PLEKHH2: variants seen among roughly 807,000 people sequenced by gnomAD.
PLEKHH2 encodes pleckstrin homology, MyTH4 and FERM domain containing H2, also known as pleckstrin homology domain-containing family H member 2.
In PLEKHH2, 129 loss-of-function variants were observed where a neutral mutation model predicts 187.9. The observed-to-expected ratio is 0.69, with a 90% CI of 0.59 to 0.79. The LOEUF is 0.79. Ranked by LOEUF, PLEKHH2 falls within the 30% of genes least tolerant of loss-of-function variation. The probability of loss-of-function intolerance (pLI) is 0.00; values close to 1 mark genes in which losing one functional copy is unlikely to be tolerated. For synonymous variants in PLEKHH2, 686 were observed against 605.6 expected (o/e 1.13, Z -1.95); for missense variants, 2,076 against 1,751.2 (o/e 1.19, Z -3.31).
Position 43,700,383 on chromosome 2 carries a change from TATAAGCATG to T in PLEKHH2, c.1429_1437del (p.Ser477_Ile479del), listed in dbSNP as rs758066883. 1 of 1,614,118 alleles carries T rather than the reference TATAAGCATG, an allele frequency of 6.2e-7. No individual in the cohort carries two copies. The highest frequency in any genetic ancestry group is 8.5e-7 in the Non-Finnish European group (1 of 1,180,022). ...GGATGTTTGGTACAAATAGAAACGC[TATAAGCATG>T]ATACGACCACTGAGACCTCAGGAAA... On this transcript the variant is annotated inframe_deletion, in exon 8 of 30. Transcript: ENST00000282406.
At chr2:43,749,018 A>C (rs1306608639) in intron 24 of PLEKHH2, among the ~76,000 whole-genome samples, 2 of 152,150 alleles carry the variant, frequency 1.3e-5, no homozygotes, top group Admixed American at 6.6e-5. Flanking sequence ...CGGCCTCCCA[A>C]AGTGCTGGGA....
chr2:43,647,254 T>G (rs1031758407), intron 2 of PLEKHH2, among the ~76,000 whole-genome samples: 2 of 152,240 alleles, frequency 1.3e-5, no homozygotes, highest in African/African-American at 2.4e-5. Context: ...TATAAACTTT[T>G]AAATCCTTAT....
chr2:43,742,932 T>A lies in PLEKHH2; in HGVS notation c.3399+14T>A. On this transcript the variant is annotated intron_variant, in intron 22 of 29. Coordinates refer to ENST00000282406, the MANE Select transcript of PLEKHH2 (RefSeq NM_172069.4). ...GGGATATACCAGGTAGGTTACCTGA[T>A]GAAAATATGCTTAGCCAACAATCCT... is the stretch of plus-strand genomic sequence containing the variant. The A allele has an allele frequency of 1.4e-6, 2 of 1,480,578 alleles. No homozygotes were observed. Among genetic ancestry groups the A allele is most frequent in the Non-Finnish European group, 1.8e-6 (2 of 1,111,832 alleles). The allele number at this position is 1,480,578 out of a possible 1,614,324, so 91.7% of individuals were successfully genotyped here.
chr2:43,668,489 A>C (rs994626695), intron 2 of PLEKHH2, among the ~76,000 whole-genome samples: 2 of 152,196 alleles, frequency 1.3e-5, no homozygotes, highest in African/African-American at 4.8e-5. Context: ...TCAGTAAATA[A>C]ATACTGATGA....
chr2:43,657,164 T>A (rs562315796), intron 2 of PLEKHH2, among the ~76,000 whole-genome samples: 1 of 152,362 alleles, frequency 6.6e-6, no homozygotes, highest in East Asian at 1.9e-4. Flanking sequence ...TGCATTCAGT[T>A]GGCAAATCAG....
intron 20 of PLEKHH2, 69 bp downstream of exon 20, chr2:43,738,589 C>G: frequency 7.2e-7 from 1 of 1,385,748 alleles, no homozygotes; most frequent in Admixed American, 2.1e-5. Flanking sequence ...AAGAATGATA[C>G]ACATTCAGCA....
At chr2:43,659,903 T>C (rs1010904323) in intron 2 of PLEKHH2, among the ~76,000 whole-genome samples, 10 of 152,290 alleles carry the variant, frequency 6.6e-5, no homozygotes, top group African/African-American at 2.4e-4. Flanking sequence ...GTTAATTGAG[T>C]ACATATGTAA....
At position 43,753,605 on chromosome 2, in the gene PLEKHH2, C is replaced by T. The variant is rs1269713870; in HGVS notation, c.3654-14C>T. The T allele has an allele frequency of 7.3e-7, 1 of 1,363,654 alleles. No homozygotes were observed. The highest frequency in any genetic ancestry group is 9.7e-7 in the Non-Finnish European group (1 of 1,029,168). The allele number at this position is 1,363,654 out of a possible 1,614,324, so 84.5% of individuals were successfully genotyped here. On this transcript the variant is annotated splice_polypyrimidine_tract_variant and intron_variant, in intron 24 of 29. Transcript: ENST00000282406. ...AATATAATTTAATGAGAAATTTACT[C>T]TTTTTTTTTACAGACTATATTTCTC...
At chr2:43,703,229 CA>C (rs1669476925) in intron 8 of PLEKHH2, among the ~76,000 whole-genome samples, 1 of 152,188 alleles carries the variant, frequency 6.6e-6, no homozygotes, top group South Asian at 2.1e-4. Context: ...AAATTCAGGA[CA>C]TGTTGCTCTA....
chr2:43,678,083 G>A (rs1384058365), intron 2 of PLEKHH2, among the ~76,000 whole-genome samples: 14 of 151,454 alleles, frequency 9.2e-5, no homozygotes, highest in African/African-American at 2.4e-4. Context: ...GGTCGCGGCC[G>A]GGCAGAGGCG....
intron 2 of PLEKHH2, among the ~76,000 whole-genome samples, chr2:43,651,535 C>G (rs1238995134): frequency 1.3e-5 from 2 of 152,138 alleles, no homozygotes; most frequent in African/African-American, 4.8e-5. Context: ...GGACAGAAAT[C>G]AAGACAAATG....
intron 25 of PLEKHH2, among the ~76,000 whole-genome samples, chr2:43,755,178 C>G (rs1384765443): frequency 6.6e-6 from 1 of 152,022 alleles, no homozygotes; most frequent in Non-Finnish European, 1.5e-5. Flanking sequence ...CAGCCAAAAT[C>G]AGCATATTGA....
chr2:43,711,613 C>T (rs1286543151), intron 14 of PLEKHH2: 31 of 969,630 alleles, frequency 3.2e-5, no homozygotes, highest in African/African-American at 5.3e-5. Flanking sequence ...GGAACCTGGC[C>T]GGGCGCGGTG....
Position 43,729,634 on chromosome 2 carries a change from A to G in PLEKHH2, c.2722-3A>G, listed in dbSNP as rs762936575. On this transcript the variant is annotated splice_region_variant and splice_polypyrimidine_tract_variant and intron_variant, in intron 17 of 29. Coordinates refer to ENST00000282406, the MANE Select transcript of PLEKHH2 (RefSeq NM_172069.4). ...CATTTAATTAATATGTTCTGGTTTT[A>G]AGGACACTTGGCTTTATCATCTGAC... 3.8e-6 allele frequency: 6 copies of G among 1,573,844 alleles called. No individual in the cohort carries two copies. The highest frequency in any genetic ancestry group is 5.2e-6 in the Non-Finnish European group (6 of 1,162,330).
intron 24 of PLEKHH2, 41 bp downstream of exon 24, chr2:43,746,004 A>G (rs748555370): frequency 7.8e-7 from 1 of 1,286,112 alleles, no homozygotes. Flanking sequence ...ATGAGTATAC[A>G]ATATGTTCTA....
intron 6 of PLEKHH2, among the ~76,000 whole-genome samples, chr2:43,695,573 A>G (rs976672290): frequency 6.6e-6 from 1 of 152,214 alleles, no homozygotes; most frequent in African/African-American, 2.4e-5. Flanking sequence ...TGCTAAAAGT[A>G]CTGTACAGAG....
intron 1 of PLEKHH2, among the ~76,000 whole-genome samples, chr2:43,640,252 A>G (rs1703311063): frequency 1.3e-5 from 2 of 151,152 alleles, no homozygotes; most frequent in African/African-American, 4.9e-5. Context: ...CTTGTCACCC[A>G]GGCTGGAGTG....
At position 43,705,406 on chromosome 2, in the gene PLEKHH2, C is replaced by A. The variant is rs115221821; in HGVS notation, c.1727-916C>A. ...GATTAGTTAGGATGACAGGTGCATA[C>A]CACCATGCCTTGATACTTTTTAAGA... On this transcript the variant is annotated intron_variant, in intron 9 of 29. Transcript: ENST00000282406. Among the ~76,000 whole-genome samples the A allele has an allele frequency of 5.7e-3, 871 of 151,946 alleles. 7 individuals are homozygous for A. The highest frequency in any genetic ancestry group is 0.02 in the African/African-American group (828 of 41,428).
intron 28 of PLEKHH2, 93 bp from the exon 29 acceptor site, chr2:43,764,135 T>G: frequency 1.4e-6 from 1 of 724,606 alleles, no homozygotes; most frequent in Non-Finnish European, 2.0e-6. Context: ...TTGATTAATA[T>G]CTGCCTTTTA....
Sources: gnomAD v4.1 joint callset for allele counts (sites outside exome capture counted in the v4.1 genomes callset) on GRCh38, gnomAD v4.1.1 for gene constraint, MANE v1.5 for transcripts, NCBI Gene and HGNC (gene_info 2026-07-23, HGNC 2026-07-21) for gene names.